MLPH: variants seen among roughly 807,000 people sequenced by gnomAD.
MLPH encodes melanophilin.
A neutral mutation model predicts 72.1 loss-of-function variants in MLPH; 51 were observed. The observed-to-expected ratio is 0.71, with a 90% confidence interval of 0.56 to 0.89. MLPH has a LOEUF of 0.89. MLPH is among the 40% of genes least tolerant of loss of function. The pLI is 0.00. For missense variants in MLPH, 743 were observed against 759.9 expected, an observed-to-expected ratio of 0.98 and a Z score of 0.26; for synonymous variants, 301 against 310.1, an observed-to-expected ratio of 0.97 and a Z score of 0.31.
chr2:237,552,107 A>G, intron 14 of MLPH: 1 of 507,280 alleles, frequency 2.0e-6, no homozygotes, highest in Non-Finnish European at 3.6e-6. Flanking sequence ...ACAGTGAGGA[A>G]GAATGTTAAT....
chr2:237,553,611 C>A lies in MLPH; in HGVS notation c.*19C>A, dbSNP rs200811367. 6.2e-7 allele frequency: 1 copy of A among 1,614,228 alleles called. No homozygotes were observed. The highest frequency in any genetic ancestry group is 1.1e-5 in the South Asian group (1 of 91,086). ...GTCCTAACGGGACAGGACAGAGAGA[C>A]AGAGCAGCCCTGCACTGTTTTCCCT... On this transcript the variant is annotated 3_prime_UTR_variant, in exon 16 of 16. Coordinates refer to ENST00000264605, the MANE Select transcript of MLPH (RefSeq NM_024101.7).
chr2:237,492,895 A>G (rs2079455508), intron 1 of MLPH, among the ~76,000 whole-genome samples: 1 of 152,220 alleles, frequency 6.6e-6, no homozygotes, highest in South Asian at 2.1e-4. Flanking sequence ...CCCTGCCCAC[A>G]CAGAGCCTGC....
intron 14 of MLPH, chr2:237,551,926 C>G (rs1218819122): frequency 1.2e-5 from 2 of 170,896 alleles, no homozygotes; most frequent in African/African-American, 4.9e-5. Context: ...GCAGTTAAGC[C>G]AAGATTGCGC....
At position 237,520,036 on chromosome 2, in the gene MLPH, G is replaced by T. The variant is rs773686238; in HGVS notation, c.675+7G>T. 1 of 1,613,848 alleles carries T rather than the reference G, an allele frequency of 6.2e-7. No homozygotes were observed. The highest frequency in any genetic ancestry group is 1.1e-5 in the South Asian group (1 of 91,078). On this transcript the variant is annotated splice_region_variant and intron_variant, in intron 6 of 15. Transcript: ENST00000264605. ...GGCCAGGGACAGCCCACAGGTCAGTGGGTCCTCGTGTCTTTCCCCTGCCCC... is the reference window on the plus strand; with the variant it reads ...GGCCAGGGACAGCCCACAGGTCAGTTGGTCCTCGTGTCTTTCCCCTGCCCC...
At chr2:237,545,320 G>A (rs2080891312) in intron 12 of MLPH, 1 of 627,806 alleles carries the variant, frequency 1.6e-6, no homozygotes, top group South Asian at 1.8e-5. Context: ...GCCACCGTGG[G>A]CCTGACAGCA....
chr2:237,509,254 C>T (rs905872606), intron 2 of MLPH, among the ~76,000 whole-genome samples: 10 of 152,248 alleles, frequency 6.6e-5, no homozygotes, highest in African/African-American at 2.4e-4. Context: ...CAGCCTCCAG[C>T]TGCTGCCCCA....
At chr2:237,492,751 C>A (rs750868733) in intron 1 of MLPH, among the ~76,000 whole-genome samples, 2 of 152,190 alleles carry the variant, frequency 1.3e-5, no homozygotes, top group Non-Finnish European at 2.9e-5. Context: ...GCTCATATGA[C>A]CTCCCCCTGG....
rs1030670681 is a variant in MLPH at position 237,512,914 on chromosome 2, C to T, written c.445+1813C>T. Among the ~76,000 whole-genome samples, 1 of 151,526 alleles carries T rather than the reference C, an allele frequency of 6.6e-6. No homozygotes were observed. Among genetic ancestry groups the T allele is most frequent in the Admixed American group, 6.6e-5 (1 of 15,216 alleles). ...AACCTGCTGACTTCAAAATCATCAC[C>T]ACCAAGGGGCCAGGAGGTGGCGCTG... On this transcript the variant is annotated intron_variant, in intron 4 of 15. Coordinates refer to ENST00000264605, the MANE Select transcript of MLPH (RefSeq NM_024101.7). This position sits in a 1 kb window ranked among gnomAD's most constrained non-coding sequence, Gnocchi z 5.5.
In MLPH at chr2:237,517,001, A is replaced by G. The variant is rs1016845156; in HGVS notation, c.446-1538A>G. Among the ~76,000 whole-genome samples, 164 of 89,424 alleles carry G rather than the reference A, an allele frequency of 1.8e-3. 1 individual carries two copies. The highest frequency in any genetic ancestry group is 0.011 in the African/African-American group (152 of 13,620). 58.7% of individuals were successfully genotyped at this position (89,424 alleles called of 152,430 possible). On this transcript the variant is annotated intron_variant, in intron 4 of 15. Coordinates refer to ENST00000264605, the MANE Select transcript of MLPH (RefSeq NM_024101.7). ...GGCAGCTAAGGTGGTAGGTGAGTGGATGGATGGATGGATGGATGGATGGAT... is the reference window on the plus strand; with the variant it reads ...GGCAGCTAAGGTGGTAGGTGAGTGGGTGGATGGATGGATGGATGGATGGAT...
intron 2 of MLPH, among the ~76,000 whole-genome samples, chr2:237,498,494 C>G (rs1313965345): frequency 6.6e-6 from 1 of 152,178 alleles, no homozygotes; most frequent in Admixed American, 6.5e-5. Context: ...GGGCATGTGA[C>G]CCTGAGACCC....
chr2:237,510,604 C>T lies in MLPH; in HGVS notation c.141C>T (p.Ser47=), dbSNP rs762508404. The change falls in exon 3 of 16, where the codon AGC becomes AGT. Residue 47 remains serine (S), a synonymous_variant. Transcript: ENST00000264605. The surrounding 1 kb of genome is among the most constrained non-coding windows in gnomAD (Gnocchi z 4.4). The stretch of plus-strand genomic sequence containing the variant: ...TGAAGGGCAAGATTAAGAAGGAAAG[C>T]TCCAAGAGGGAGCTGCTTTCCGACA... ...EALKGKIKKE[S]SKRELLSDTA... 11 of 1,613,548 alleles carry T rather than the reference C, an allele frequency of 6.8e-6. No individual in the cohort carries two copies. The South Asian group carries it at 1.2e-4, about 18-fold the overall frequency.
chr2:237,523,601 G>A (rs906849952), intron 6 of MLPH, among the ~76,000 whole-genome samples: 19 of 152,088 alleles, frequency 1.2e-4, no homozygotes, highest in African/African-American at 4.3e-4. Context: ...CATAATTTAG[G>A]GTTTAAGGAT....
At position 237,493,468 on chromosome 2, in the gene MLPH, G is replaced by A. The variant is rs2079469177; in HGVS notation, c.42G>A (p.Glu14=). The change falls in exon 2 of 16, where the codon GAG becomes GAA. Residue 14 remains glutamate, a synonymous_variant. Coordinates refer to ENST00000264605, the MANE Select transcript of MLPH (RefSeq NM_024101.7). ...KLDLSKLTDE[E]AQHVLEVVQR... ...ATCTTTCCAAGCTCACTGATGAAGA[G>A]GCCCAGCATGTCTTGGAAGTTGTTC... The A allele has an allele frequency of 6.2e-7, 1 of 1,614,008 alleles. No individual in the cohort carries two copies. Among genetic ancestry groups the A allele is most frequent in the Non-Finnish European group, 8.5e-7 (1 of 1,179,982 alleles).
At chr2:237,525,210 G>GT (rs1450773455) in intron 6 of MLPH, among the ~76,000 whole-genome samples, 1 of 152,174 alleles carries the variant, frequency 6.6e-6, no homozygotes, top group East Asian at 1.9e-4. Flanking sequence ...TACATAGTTA[G>GT]TAACAGTGCA....
At position 237,497,914 on chromosome 2, in the gene MLPH, C is replaced by T. The variant is rs183087210; in HGVS notation, c.110+4378C>T. On this transcript the variant is annotated intron_variant, in intron 2 of 15. Transcript: ENST00000264605. Reference sequence around the variant, plus strand: ...GAGGCTGGATGAAGAAACTGGTGCTCGAGGGACCACTAAGTAGGTGGCGGT... The same window carrying T: ...GAGGCTGGATGAAGAAACTGGTGCTTGAGGGACCACTAAGTAGGTGGCGGT... Among the ~76,000 whole-genome samples the T allele has an allele frequency of 1.7e-3, 264 of 152,258 alleles. 1 individual carries two copies. The highest frequency in any genetic ancestry group is 6.2e-3 in the African/African-American group (259 of 41,536).
chr2:237,496,521 C>T (rs908736953), intron 2 of MLPH, among the ~76,000 whole-genome samples: 4 of 152,192 alleles, frequency 2.6e-5, no homozygotes, highest in South Asian at 2.1e-4. Context: ...TAGGAAAGGA[C>T]GCACCCAGGT....
rs1463794 is a variant in MLPH, at chr2:237,502,786, T to C, written c.111-7788T>C. On this transcript the variant is annotated intron_variant, in intron 2 of 15. Coordinates refer to ENST00000264605, the MANE Select transcript of MLPH (RefSeq NM_024101.7). ...CAGAGAGAATCTGTGAAGGGTCTCC[T>C]AGTATGAGACACGGGCAAACCGTGG... Among the ~76,000 whole-genome samples the C allele has an allele frequency of 3.8e-3, 581 of 152,300 alleles. 12 individuals carry two copies. The South Asian group carries it at 0.04, about 10-fold the overall frequency.
intron 2 of MLPH, among the ~76,000 whole-genome samples, chr2:237,509,811 G>A (rs187621382): frequency 5.1e-4 from 78 of 152,252 alleles, no homozygotes; most frequent in African/African-American, 1.8e-3. Flanking sequence ...TGCACTCTGG[G>A]TGTCCGCCTC....
Position 237,540,547 on chromosome 2 carries a change from C to G in MLPH, c.1290+14C>G, listed in dbSNP as rs766007159. 9 of 1,606,966 alleles carry G rather than the reference C, an allele frequency of 5.6e-6. No individual in the cohort carries two copies. The Middle Eastern group carries it at 8.5e-4, about 151-fold the overall frequency. On this transcript the variant is annotated intron_variant, in intron 10 of 15. Coordinates refer to ENST00000264605, the MANE Select transcript of MLPH (RefSeq NM_024101.7). ...GCGGACCCGGAGGTAAGACTATCCC[C>G]CAGAGGTCTCAGCAGGACCCTGCAG...
Sources: gnomAD v4.1 joint callset for allele counts (sites outside exome capture counted in the v4.1 genomes callset) on GRCh38, gnomAD v4.1.1 for gene constraint, Gnocchi (gnomAD v3.1) non-coding constraint, MANE v1.5 for transcripts, NCBI Gene and HGNC (gene_info 2026-07-23, HGNC 2026-07-21) for gene names.